MNAT1: variants seen among roughly 807,000 people sequenced by gnomAD.
MNAT1 encodes CDK-activating kinase assembly factor MAT1.
Under a neutral mutation model 42.0 loss-of-function variants are expected in MNAT1, and 43 were observed. The observed-to-expected ratio is 1.02, with a 90% CI of 0.80 to 1.32. MNAT1 has a LOEUF of 1.32. Among genes scored for constraint, MNAT1 ranks in the 40% most tolerant of loss-of-function variants. The pLI is 0.00. For missense variants in MNAT1, 306 were observed against 350.4 expected (o/e 0.87, Z 1.01); for synonymous variants, 118 against 120.0 (o/e 0.98, Z 0.11).
chr14:60,954,548 C>T (rs1176928632), intron 7 of MNAT1, among the ~76,000 whole-genome samples: 2 of 151,994 alleles, frequency 1.3e-5, no homozygotes, highest in African/African-American at 4.8e-5. Flanking sequence ...CAGACAGCTC[C>T]TTGTTAGTGT....
intron 7 of MNAT1, among the ~76,000 whole-genome samples, chr14:60,967,826 G>T (rs949035967): frequency 6.6e-6 from 1 of 152,094 alleles, no homozygotes; most frequent in Non-Finnish European, 1.5e-5. Context: ...ACAAATTTAT[G>T]TAGAAATATC....
intron 1 of MNAT1, among the ~76,000 whole-genome samples, chr14:60,767,188 T>C (rs1033243474): frequency 2.0e-5 from 3 of 152,176 alleles, no homozygotes; most frequent in Admixed American, 1.3e-4. Context: ...CTAAACTACA[T>C]TCTGGAAGGC....
At chr14:60,826,123 T>C (rs925310803) in intron 6 of MNAT1, among the ~76,000 whole-genome samples, 2 of 152,126 alleles carry the variant, frequency 1.3e-5, no homozygotes, top group Non-Finnish European at 2.9e-5. Flanking sequence ...TCAGTGAACA[T>C]ATTTTGATTA....
intron 7 of MNAT1, among the ~76,000 whole-genome samples, chr14:60,885,359 T>C (rs1424258878): frequency 6.6e-6 from 1 of 152,002 alleles, no homozygotes; most frequent in East Asian, 1.9e-4. Flanking sequence ...CTAGATCTTT[T>C]AGGCATGCTT....
rs1211065933 is a variant in MNAT1 at position 60,740,201 on chromosome 14, T to C, written c.89+5250T>C. Among the ~76,000 whole-genome samples the C allele has an allele frequency of 2.0e-5, 3 of 152,180 alleles. No individual in the cohort carries two copies. The highest frequency in any genetic ancestry group is 6.5e-5 in the Admixed American group (1 of 15,270). The stretch of plus-strand genomic sequence containing the variant: ...CCAACCATTCTTGGCAAAACCTGTC[T>C]CTGGAAATTTTATGTGCTAAATCTA... On this transcript the variant is annotated intron_variant, in intron 1 of 7. Transcript: ENST00000261245. The surrounding 1 kb of genome is among the most constrained non-coding windows in gnomAD (Gnocchi z 4.1).
intron 7 of MNAT1, among the ~76,000 whole-genome samples, chr14:60,905,334 G>A (rs970229451): frequency 2.0e-5 from 3 of 151,954 alleles, no homozygotes; most frequent in African/African-American, 7.3e-5. Context: ...AACAATAACA[G>A]TACATTATTG....
intron 3 of MNAT1, among the ~76,000 whole-genome samples, chr14:60,806,328 G>A (rs1445250020): frequency 6.6e-6 from 1 of 152,188 alleles, no homozygotes; most frequent in Non-Finnish European, 1.5e-5. Context: ...GTCATATGTG[G>A]ATATTCACTG....
chr14:60,796,098 T>C (rs2032008966), intron 1 of MNAT1, 119 bp from the exon 2 acceptor site: 2 of 827,110 alleles, frequency 2.4e-6, no homozygotes, highest in Non-Finnish European at 1.7e-6. Context: ...GGTAAGATTT[T>C]AAATAGAAGT....
chr14:60,967,752 T>C (rs2036707957), intron 7 of MNAT1, among the ~76,000 whole-genome samples: 2 of 152,236 alleles, frequency 1.3e-5, no homozygotes, highest in Non-Finnish European at 2.9e-5. Flanking sequence ...TAAAGTACTT[T>C]TGAAGTAACT....
intron 7 of MNAT1, among the ~76,000 whole-genome samples, chr14:60,967,572 G>T (rs774254900): frequency 3.3e-5 from 5 of 151,972 alleles, no homozygotes; most frequent in African/African-American, 7.2e-5. Flanking sequence ...AAACTGTGTG[G>T]TTGCAGAAAA....
At chr14:60,891,279 C>T (rs1237072758) in intron 7 of MNAT1, among the ~76,000 whole-genome samples, 1 of 152,004 alleles carries the variant, frequency 6.6e-6, no homozygotes, top group Non-Finnish European at 1.5e-5. Flanking sequence ...ATCTTTTTGA[C>T]AGAATCACCT....
chr14:60,798,118 C>A lies in MNAT1; in HGVS notation c.274C>A (p.Leu92Ile). The change falls in exon 3 of 8, where the codon CTA (leucine) becomes ATA (isoleucine). Residue 92 changes from leucine (L) to isoleucine (I), a missense_variant. This residue lies in a region of MNAT1 where 72 missense variants were observed against 111.0 expected (regional missense o/e 0.65). Coordinates refer to ENST00000261245, the MANE Select transcript of MNAT1 (RefSeq NM_002431.4). ...YNKREEDFPS[L>I]REYNDFLEEV... The stretch of plus-strand genomic sequence containing the variant: ...TAAAAGGGAAGAAGATTTTCCTAGT[C>A]TAAGAGAATACAATGATTTCTTGGA... The A allele has an allele frequency of 1.3e-6, 2 of 1,518,914 alleles. No individual in the cohort carries two copies. Among genetic ancestry groups the A allele is most frequent in the South Asian group, 2.3e-5 (2 of 88,596 alleles). The allele number at this position is 1,518,914 out of a possible 1,614,324, so 94.1% of individuals were successfully genotyped here.
chr14:60,822,582 C>T (rs2139370147), intron 6 of MNAT1, among the ~76,000 whole-genome samples: 1 of 151,180 alleles, frequency 6.6e-6, no homozygotes, highest in South Asian at 2.1e-4. Flanking sequence ...CACACCACCA[C>T]TCTGGGCTAG....
chr14:60,778,307 A>G (rs2031323380), intron 1 of MNAT1, among the ~76,000 whole-genome samples: 1 of 152,196 alleles, frequency 6.6e-6, no homozygotes, highest in Non-Finnish European at 1.5e-5. Flanking sequence ...TGTCTCTGTT[A>G]TCAGAGTCCT....
intron 6 of MNAT1, among the ~76,000 whole-genome samples, chr14:60,857,622 T>C (rs940384303): frequency 2.0e-5 from 3 of 152,200 alleles, no homozygotes; most frequent in Admixed American, 6.5e-5. Flanking sequence ...ATTTGTACAA[T>C]GTGCAGGTTT....
intron 6 of MNAT1, among the ~76,000 whole-genome samples, chr14:60,869,038 ATAT>A (rs1388317586): frequency 5.2e-4 from 48 of 91,974 alleles, no homozygotes; most frequent in Admixed American, 8.4e-4. Context: ...ATATATATAT[ATAT>A]TTTTTTTTTT....
At chr14:60,907,446 A>C (rs2035226129) in intron 7 of MNAT1, among the ~76,000 whole-genome samples, 1 of 151,058 alleles carries the variant, frequency 6.6e-6, no homozygotes, top group Non-Finnish European at 1.5e-5. Flanking sequence ...AAAAAAAAAA[A>C]AAAAAAAAAG....
intron 7 of MNAT1, among the ~76,000 whole-genome samples, chr14:60,924,675 ACTACT>A (rs2035730457): frequency 6.6e-6 from 1 of 152,210 alleles, no homozygotes; most frequent in African/African-American, 2.4e-5. Flanking sequence ...TACAGAGAAA[ACTACT>A]CTGAAAGACA....
At chr14:60,920,495 C>CTGGT (rs1660319883) in intron 7 of MNAT1, among the ~76,000 whole-genome samples, 1 of 152,142 alleles carries the variant, frequency 6.6e-6, no homozygotes, top group Non-Finnish European at 1.5e-5. Context: ...TTTCGTCTCA[C>CTGGT]TGCAACCTCT....
Sources: allele counts gnomAD v4.1 joint callset (sites outside exome capture counted in the v4.1 genomes callset), GRCh38; gene constraint gnomAD v4.1.1; regional missense constraint gnomAD v4.1.1; non-coding constraint Gnocchi (gnomAD v3.1); transcripts MANE v1.5; gene names NCBI Gene and HGNC (gene_info 2026-07-23, HGNC 2026-07-21).